Variants in MX2 observed in about 807,000 individuals in gnomAD.
The protein encoded by MX2 is interferon-induced GTP-binding protein Mx2.
In MX2, 51 loss-of-function variants were observed where a neutral mutation model predicts 74.0. The observed-to-expected ratio is 0.69, with a 90% confidence interval of 0.55 to 0.87. MX2 has a LOEUF of 0.87. Among genes scored for constraint, MX2 ranks in the 40% least tolerant of loss-of-function variants. The pLI is 0.00. For synonymous variants in MX2, 369 were observed against 339.3 expected, an observed-to-expected ratio of 1.09 and a Z score of -0.96; for missense variants, 832 against 908.7, an observed-to-expected ratio of 0.92 and a Z score of 1.09.
chr21:41,380,232 A>C lies in MX2; in HGVS notation c.577+81A>C, dbSNP rs1601404641. ...GGTTCCTTCTCCTCTTCCTCAAGTC[A>C]CCCCCACAGTGACCACTCAGCTCCT... On this transcript the variant is annotated intron_variant, in intron 4 of 13. Transcript: ENST00000330714. The surrounding 1 kb of genome is among the most constrained non-coding windows in gnomAD (Gnocchi z 4.3). 6.3e-7 allele frequency: 1 copy of C among 1,575,104 alleles called. No homozygotes were observed. Among genetic ancestry groups the C allele is most frequent in the Non-Finnish European group, 8.6e-7 (1 of 1,157,976 alleles).
intron 5 of MX2, among the ~76,000 whole-genome samples, chr21:41,384,076 A>G (rs749190806): frequency 3.9e-5 from 6 of 152,108 alleles, no homozygotes; most frequent in Non-Finnish European, 7.4e-5. Context: ...GTGGCTTTAA[A>G]GTGTGGCACT....
Position 41,403,308 on chromosome 21 carries a change from T to C in MX2, c.1615T>C (p.Phe539Leu). 6.2e-7 allele frequency: 1 copy of C among 1,614,020 alleles called. No homozygotes were observed. Among genetic ancestry groups the C allele is most frequent in the Non-Finnish European group, 8.5e-7 (1 of 1,179,964 alleles). ...TTTCATTAACGTGGCCAAAAAACAT[T>C]TTGGCGAATTTTTCAACCTTAACCA... ...QAFINVAKKH[F>L]GEFFNLNQTV... The change falls in exon 12 of 14, where the codon TTT (phenylalanine) becomes CTT (leucine). Residue 539 changes from phenylalanine (F) to leucine (L), a missense_variant. Coordinates refer to ENST00000330714, the MANE Select transcript of MX2 (RefSeq NM_002463.2).
chr21:41,404,075 G>A lies in MX2; in HGVS notation c.1650+732G>A, dbSNP rs553762657. 2.0e-4 allele frequency: 36 copies of A among 177,298 alleles called. No homozygotes were observed. In the South Asian group the frequency reaches 3.7e-3, roughly 18 times the overall value. The allele number at this position is 177,298 out of a possible 1,614,324, so 11.0% of individuals were successfully genotyped here. ...CACCAAGATGTCCATTGTCCTTCCCGGGCCTTGGTCCCCTTGGTCCCTGAG... is the reference window on the plus strand; with the variant it reads ...CACCAAGATGTCCATTGTCCTTCCCAGGCCTTGGTCCCCTTGGTCCCTGAG... On this transcript the variant is annotated intron_variant, in intron 12 of 13. Transcript: ENST00000330714.
chr21:41,387,719 GC>G (rs2089599881), intron 5 of MX2, among the ~76,000 whole-genome samples: 1 of 152,096 alleles, frequency 6.6e-6, no homozygotes. Context: ...ATTATTTCAA[GC>G]CCAGCTCTCT....
At chr21:41,387,215 G>A (rs953183559) in intron 5 of MX2, among the ~76,000 whole-genome samples, 7 of 152,124 alleles carry the variant, frequency 4.6e-5, no homozygotes, top group Non-Finnish European at 8.8e-5. Context: ...CGGTCTTCCT[G>A]AGAAGTCATG....
At position 41,374,478 on chromosome 21, in the gene MX2, G is replaced by A. The variant is rs528165023; in HGVS notation, c.-71-2358G>A. Among the ~76,000 whole-genome samples, 711 of 152,332 alleles carry A rather than the reference G, an allele frequency of 4.7e-3. 7 individuals are homozygous for A. The highest frequency in any genetic ancestry group is 0.016 in the African/African-American group (645 of 41,576). On this transcript the variant is annotated intron_variant, in intron 1 of 13. Transcript: ENST00000330714. ...GTCTGGGCTGGTGAGCAGGGACGGGGAAGGCCCCGACAGCAGACCCCATGA... is the reference window on the plus strand; with the variant it reads ...GTCTGGGCTGGTGAGCAGGGACGGGAAAGGCCCCGACAGCAGACCCCATGA...
chr21:41,393,110 C>CAAAAAAAAAAAAAAAAAAAAGA (rs2089683340), intron 6 of MX2, among the ~76,000 whole-genome samples: 4 of 60,086 alleles, frequency 6.7e-5, no homozygotes, highest in Admixed American at 2.5e-4. Flanking sequence ...CTCAAAAAAG[C>CAAAAAAAAAAAAAAAAAAAAGA]AAAAAAAAAA....
intron 5 of MX2, among the ~76,000 whole-genome samples, chr21:41,386,177 G>A (rs752989638): frequency 1.5e-4 from 17 of 116,008 alleles, no homozygotes; most frequent in East Asian, 3.0e-4. Context: ...CTGAGATCAC[G>A]CCACTGCACT....
At chr21:41,392,185 A>G (rs1416633299) in intron 6 of MX2, among the ~76,000 whole-genome samples, 2 of 152,236 alleles carry the variant, frequency 1.3e-5, no homozygotes, top group African/African-American at 2.4e-5. Flanking sequence ...AGAAATAGAG[A>G]AAAGTGTGCT....
intron 5 of MX2, among the ~76,000 whole-genome samples, chr21:41,387,253 C>G (rs1285656015): frequency 6.6e-6 from 1 of 152,166 alleles, no homozygotes; most frequent in Non-Finnish European, 1.5e-5. Flanking sequence ...AGCAAGAACA[C>G]ATGTGTCTTT....
At chr21:41,384,466 C>T (rs923950083) in intron 5 of MX2, among the ~76,000 whole-genome samples, 5 of 152,076 alleles carry the variant, frequency 3.3e-5, no homozygotes, top group East Asian at 1.9e-4. Flanking sequence ...AATAAGTGTG[C>T]GGTCTCTCTA....
chr21:41,371,857 C>G (rs1568931655), intron 1 of MX2, among the ~76,000 whole-genome samples: 2 of 152,166 alleles, frequency 1.3e-5, no homozygotes, highest in Non-Finnish European at 2.9e-5. Context: ...TGAGCCACAT[C>G]TTCTGCTTAC....
At chr21:41,362,420 A>T (rs1055236539) in intron 1 of MX2, among the ~76,000 whole-genome samples, 1 of 151,988 alleles carries the variant, frequency 6.6e-6, no homozygotes, top group Non-Finnish European at 1.5e-5. Context: ...GTGCCCGAAA[A>T]GTCGTCTCGG....
chr21:41,401,824 A>T lies in MX2; in HGVS notation c.1415-146A>T, dbSNP rs1489473772. The T allele has an allele frequency of 1.8e-5, 14 of 772,976 alleles. No individual in the cohort carries two copies. The East Asian group carries it at 3.8e-4, about 21-fold the overall frequency. The allele number at this position is 772,976 out of a possible 1,614,324, so 47.9% of individuals were successfully genotyped here. ...CTTAAACTCCTGTTATTAGACCATGAATATTTTTCTCATTGTGAACAAAAC... is the reference window on the plus strand; with the variant it reads ...CTTAAACTCCTGTTATTAGACCATGTATATTTTTCTCATTGTGAACAAAAC... On this transcript the variant is annotated intron_variant, in intron 10 of 13. Coordinates refer to ENST00000330714, the MANE Select transcript of MX2 (RefSeq NM_002463.2).
At chr21:41,392,547 G>T (rs1281245169) in intron 6 of MX2, among the ~76,000 whole-genome samples, 1 of 152,204 alleles carries the variant, frequency 6.6e-6, no homozygotes, top group Non-Finnish European at 1.5e-5. Context: ...TGGGTGAAGA[G>T]CTTTAGTTTG....
Position 41,363,925 on chromosome 21 carries a change from G to A in MX2, c.-72+1870G>A, listed in dbSNP as rs2089240010. ...CCCTGGGATGCAGTGTCAGGTGCAGGTCAGAGACAGCAGTGGAGACCCGAT... is the reference window on the plus strand; with the variant it reads ...CCCTGGGATGCAGTGTCAGGTGCAGATCAGAGACAGCAGTGGAGACCCGAT... On this transcript the variant is annotated intron_variant, in intron 1 of 13. Transcript: ENST00000330714. This position sits in a 1 kb window ranked among gnomAD's most constrained non-coding sequence, Gnocchi z 4.2. 1.3e-5 allele frequency: 2 copies of A among 154,906 alleles called. No individual in the cohort carries two copies. The highest frequency in any genetic ancestry group is 4.8e-5 in the African/African-American group (2 of 41,530). The allele number at this position is 154,906 out of a possible 1,614,324, so 9.6% of individuals were successfully genotyped here. A position where few individuals can be genotyped will look rare whatever the true frequency, so the allele number is the denominator to read the frequency against.
chr21:41,397,421 G>A (rs2089749732), intron 7 of MX2, among the ~76,000 whole-genome samples, 192 bp from the exon 8 acceptor site: 1 of 152,194 alleles, frequency 6.6e-6, no homozygotes, highest in African/African-American at 2.4e-5. Flanking sequence ...AAGGGAGGAG[G>A]GAAGGAAGCT....
chr21:41,406,196 C>A (rs187302563), intron 12 of MX2, among the ~76,000 whole-genome samples: 2 of 152,156 alleles, frequency 1.3e-5, no homozygotes, highest in African/African-American at 4.8e-5. Flanking sequence ...CGATGTTGGC[C>A]AGGTTGGTCT....
chr21:41,378,110 G>A (rs1327489145), intron 3 of MX2, 129 bp downstream of exon 3: 1 of 1,191,494 alleles, frequency 8.4e-7, no homozygotes, highest in Non-Finnish European at 1.2e-6. Context: ...CAGGACGCTG[G>A]GAGAGAGGCC....
Sources: allele counts gnomAD v4.1 joint callset (sites outside exome capture counted in the v4.1 genomes callset), GRCh38; gene constraint gnomAD v4.1.1; non-coding constraint Gnocchi (gnomAD v3.1); transcripts MANE v1.5; gene names NCBI Gene and HGNC (gene_info 2026-07-23, HGNC 2026-07-21).